The following CHD9 variants were observed in gnomAD, a reference collection of about 807,000 sequenced individuals.
CHD9 encodes ATP-dependent chromatin remodeler CHD9.
In CHD9, 77 loss-of-function variants were observed where a neutral mutation model predicts 316.1. That is an observed-to-expected ratio of 0.24 (90% CI 0.20 to 0.29). The LOEUF is 0.29. Ranked by LOEUF, CHD9 falls within the 10% of genes least tolerant of loss-of-function variation. The pLI, the probability that CHD9 is intolerant of heterozygous loss-of-function variation, is 1.00. For missense variants in CHD9, 2,763 were observed against 3,438.1 expected (o/e 0.80, Z 4.91); for synonymous variants, 1,129 against 1,158.3 (o/e 0.97, Z 0.51).
At chr16:53,191,469 T>G (rs11866461) in intron 2 of CHD9, among the ~76,000 whole-genome samples, 2,519 of 152,274 alleles carry the variant, frequency 0.017, 75 homozygotes, top group African/African-American at 0.057. Flanking sequence ...GCCTCTGATT[T>G]GTTTTTTGCT....
At position 53,321,615 on chromosome 16, in the gene CHD9, T is replaced by C; in HGVS notation, c.7803T>C (p.Asp2601=). 6 of 1,521,764 alleles carry C rather than the reference T, an allele frequency of 3.9e-6. No individual in the cohort carries two copies. Among genetic ancestry groups the C allele is most frequent in the Non-Finnish European group, 4.4e-6 (5 of 1,124,112 alleles). 94.3% of individuals were successfully genotyped at this position (1,521,764 alleles called of 1,614,324 possible). Residue 2601 remains aspartate, a synonymous_variant, in exon 38 of 39, where the codon GAT becomes GAC. Coordinates refer to ENST00000447540, the MANE Select transcript of CHD9 (RefSeq NM_001308319.2). ...SEYGVAPEWG[D]VVKQSGFLPE... ...ATGGAGTAGCTCCTGAATGGGGAGA[T>C]GTTGTTAAGCAATCTGTGAGTATTT... is the stretch of plus-strand genomic sequence containing the variant.
At chr16:53,273,876 A>G (rs1290800969) in intron 23 of CHD9, 91 bp downstream of exon 23, 12 of 1,215,538 alleles carry the variant, frequency 9.9e-6, no homozygotes, top group Non-Finnish European at 1.4e-5. Context: ...TTGAGTACAG[A>G]GACAGCATGG....
chr16:53,117,679 G>T (rs2038422932), intron 1 of CHD9, among the ~76,000 whole-genome samples: 2 of 152,048 alleles, frequency 1.3e-5, no homozygotes, highest in Admixed American at 6.5e-5. Context: ...GCCTCCCAAG[G>T]TGCTGGGATT....
At chr16:53,141,759 C>CA (rs760228356) in intron 1 of CHD9, among the ~76,000 whole-genome samples, 90 of 146,832 alleles carry the variant, frequency 6.1e-4, no homozygotes, top group East Asian at 2.6e-3. Flanking sequence ...ATATGGAATA[C>CA]AAAAAAAAAA....
intron 2 of CHD9, among the ~76,000 whole-genome samples, chr16:53,201,206 C>T (rs2045425473): frequency 6.6e-6 from 1 of 152,128 alleles, no homozygotes; most frequent in African/African-American, 2.4e-5. Flanking sequence ...AAGTAGTGAA[C>T]TTGGTGAGGT....
intron 1 of CHD9, among the ~76,000 whole-genome samples, chr16:53,128,733 A>C (rs2039084153): frequency 6.6e-6 from 1 of 152,240 alleles, no homozygotes; most frequent in Admixed American, 6.5e-5. Context: ...CAGAAACCAC[A>C]GTTACTGAGA....
intron 2 of CHD9, among the ~76,000 whole-genome samples, chr16:53,199,363 T>C (rs73607782): frequency 0.032 from 4,932 of 152,302 alleles, 99 homozygotes; most frequent in Middle Eastern, 0.072. Context: ...CTGATTCATT[T>C]AGCATATATT....
At chr16:53,153,751 G>T (rs1289410081) in intron 1 of CHD9, among the ~76,000 whole-genome samples, 1 of 151,972 alleles carries the variant, frequency 6.6e-6, no homozygotes, top group Non-Finnish European at 1.5e-5. Context: ...TACCTAGGCT[G>T]GTCTCGAACT....
At chr16:53,082,808 A>G (rs976151816) in intron 1 of CHD9, among the ~76,000 whole-genome samples, 2 of 152,162 alleles carry the variant, frequency 1.3e-5, no homozygotes, top group African/African-American at 4.8e-5. Flanking sequence ...CACATCCTTC[A>G]GATCCCAGGT....
chr16:53,186,960 T>A (rs537643190), intron 2 of CHD9, among the ~76,000 whole-genome samples: 114 of 152,290 alleles, frequency 7.5e-4, no homozygotes, highest in Non-Finnish European at 1.3e-3. Flanking sequence ...GGCAGTTCTT[T>A]ATAGCAGTGG....
chr16:53,239,170 A>G (rs1359376101), intron 12 of CHD9, among the ~76,000 whole-genome samples: 2 of 152,154 alleles, frequency 1.3e-5, no homozygotes, highest in African/African-American at 2.4e-5. Flanking sequence ...ATTTTAGAGG[A>G]GCATTTTCTA....
At chr16:53,255,813 T>C in intron 19 of CHD9, 34 bp downstream of exon 19, 1 of 1,576,708 alleles carries the variant, frequency 6.3e-7, no homozygotes, top group Middle Eastern at 1.7e-4. Flanking sequence ...AACATAGCAG[T>C]GATGTTCACA....
In CHD9 at chr16:53,314,404, C is replaced by T; in HGVS notation, c.7250C>T (p.Ala2417Val). ...ACTTCCATTCAACCAACCCTTGGTG[C>T]CAATGGTGTGATATTAGACAACCAG... ...SGTSIQPTLG[A>V]NGVILDNQPI... Residue 2417 changes from alanine (A) to valine (V), a missense_variant, in exon 35 of 39, where the codon GCC (alanine) becomes GTC (valine). Coordinates refer to ENST00000447540, the MANE Select transcript of CHD9 (RefSeq NM_001308319.2). 6.3e-7 allele frequency: 1 copy of T among 1,583,938 alleles called. No individual in the cohort carries two copies. The highest frequency in any genetic ancestry group is 1.2e-5 in the South Asian group (1 of 85,822).
intron 1 of CHD9, among the ~76,000 whole-genome samples, chr16:53,072,910 G>A (rs1334127414): frequency 1.3e-5 from 2 of 151,946 alleles, no homozygotes; most frequent in Admixed American, 6.6e-5. Context: ...AGCCAGGCTG[G>A]TATTGAACTC....
chr16:53,281,178 G>T (rs1597800267), intron 24 of CHD9, among the ~76,000 whole-genome samples: 1 of 152,110 alleles, frequency 6.6e-6, no homozygotes, highest in African/African-American at 2.4e-5. Flanking sequence ...TCTTTCTTGA[G>T]TTTGAAGCCA....
intron 2 of CHD9, among the ~76,000 whole-genome samples, chr16:53,204,045 AAAAAT>A (rs1244333904): frequency 4.7e-4 from 40 of 85,788 alleles, no homozygotes; most frequent in Middle Eastern, 6.6e-3. Flanking sequence ...AAAAAAAAAA[AAAAAT>A]ATATATATAC....
intron 1 of CHD9, among the ~76,000 whole-genome samples, chr16:53,154,367 A>G (rs1397951863): frequency 1.3e-5 from 2 of 152,214 alleles, no homozygotes; most frequent in Non-Finnish European, 1.5e-5. Flanking sequence ...TTAATATGCA[A>G]TGTATCACTT....
intron 1 of CHD9, among the ~76,000 whole-genome samples, chr16:53,084,351 A>G (rs577616676): frequency 4.6e-5 from 7 of 151,780 alleles, no homozygotes; most frequent in African/African-American, 1.7e-4. Flanking sequence ...CTACCCAAAG[A>G]AAGAGTCCTG....
In CHD9 at chr16:53,117,237, T is replaced by A. The variant is rs568512713; in HGVS notation, c.-164-38689T>A. Among the ~76,000 whole-genome samples, 22 of 151,942 alleles carry A rather than the reference T, an allele frequency of 1.4e-4. No homozygotes were observed. In the East Asian group the frequency reaches 3.5e-3, roughly 24 times the overall value. On this transcript the variant is annotated intron_variant, in intron 1 of 38. Coordinates refer to ENST00000447540, the MANE Select transcript of CHD9 (RefSeq NM_001308319.2). Reference sequence around the variant, plus strand: ...CATGTACCCCAGAACTTAAAATTTTTAAAAAAATTAAAAAAAAATTTAGGA... The same window carrying A: ...CATGTACCCCAGAACTTAAAATTTTAAAAAAAATTAAAAAAAAATTTAGGA...
Sources: gnomAD v4.1 joint callset for allele counts (sites outside exome capture counted in the v4.1 genomes callset) on GRCh38, gnomAD v4.1.1 for gene constraint, MANE v1.5 for transcripts, NCBI Gene and HGNC (gene_info 2026-07-23, HGNC 2026-07-21) for gene names.